The following PRKCZ variants were observed in gnomAD, a reference collection of about 807,000 sequenced individuals.
PRKCZ encodes protein kinase C zeta.
PRKCZ carries 33 observed loss-of-function variants against 79.5 expected under a neutral mutation model. That is an observed-to-expected ratio of 0.41 (90% CI 0.31 to 0.55). The LOEUF (loss-of-function observed/expected upper bound fraction) is 0.55. Ranked by LOEUF, PRKCZ falls within the 20% of genes least tolerant of loss-of-function variation. The pLI, the probability that PRKCZ is intolerant of heterozygous loss-of-function variation, is 0.19. For missense variants in PRKCZ, 578 were observed against 813.5 expected (o/e 0.71, Z 3.52); for synonymous variants, 342 against 320.9 (o/e 1.07, Z -0.70).
Position 2,098,459 on chromosome 1 carries a change from G to C in PRKCZ, c.335-36803G>C, listed in dbSNP as rs1180604245. 5.9e-5 allele frequency: 9 copies of C among 152,304 alleles called. No homozygotes were observed. In the East Asian group the frequency reaches 1.7e-3, roughly 29 times the overall value. The allele number at this position is 152,304 out of a possible 1,614,324, so 9.4% of individuals were successfully genotyped here. On this transcript the variant is annotated intron_variant, in intron 4 of 17. Transcript: ENST00000378567. ...CCAGCTTCAGCTCTTCGAGTTGCTG[G>C]CTTCTCTAAGGCCTGTCCTGAAGTG...
At chr1:2,056,021 T>G in intron 2 of PRKCZ, 1 of 184,560 alleles carries the variant, frequency 5.4e-6, no homozygotes, top group Non-Finnish European at 1.1e-5. Context: ...AGAGACCCCT[T>G]TCTCCCAGGG....
chr1:2,127,922 G>A lies in PRKCZ; in HGVS notation c.335-7340G>A, dbSNP rs77602667. Reference sequence around the variant, plus strand: ...ACCTTAGCTCTGGACACGAATTTGCGGTCATTGCTGTTCTTGTGTCTCTAT... The same window carrying A: ...ACCTTAGCTCTGGACACGAATTTGCAGTCATTGCTGTTCTTGTGTCTCTAT... On this transcript the variant is annotated intron_variant, in intron 4 of 17. Transcript: ENST00000378567. The surrounding 1 kb of genome is among the most constrained non-coding windows in gnomAD (Gnocchi z 5.1). 1.1e-3 allele frequency among the ~76,000 whole-genome samples: 169 copies of A among 152,306 alleles called. 5 individuals carry two copies. In the East Asian group the frequency reaches 0.026, roughly 23 times the overall value.
At chr1:2,182,199 C>T (rs1158358724) in intron 16 of PRKCZ, 3 of 226,068 alleles carry the variant, frequency 1.3e-5, no homozygotes, top group Non-Finnish European at 2.7e-5. Flanking sequence ...CCCAGTTTGG[C>T]TTTTGTTGTT....
At chr1:2,059,642 G>A (rs1244684705) in intron 4 of PRKCZ, 51 bp downstream of exon 4, 1 of 1,607,098 alleles carries the variant, frequency 6.2e-7, no homozygotes, top group Non-Finnish European at 8.5e-7. Flanking sequence ...GGGTTGAACT[G>A]TTGATCCGTT....
chr1:2,167,571 G>T (rs1299504936), intron 10 of PRKCZ, among the ~76,000 whole-genome samples: 2 of 152,126 alleles, frequency 1.3e-5, no homozygotes, highest in East Asian at 3.9e-4. Flanking sequence ...AATGTGCGGT[G>T]AAGTCACCCT....
At position 2,056,514 on chromosome 1, in the gene PRKCZ, A is replaced by G. The variant is rs1660177856; in HGVS notation, c.224A>G (p.Glu75Gly). The change falls in exon 3 of 18, where the codon GAG becomes GGG. Residue 75 changes from glutamate (E) to glycine (G), a missense_variant. Transcript: ENST00000378567. ...CCTTGCACGGTGTCCTCCCAGATGGAGCTGGAAGAGGCTTTCCGCCTGGCC... is the reference window on the plus strand; with the variant it reads ...CCTTGCACGGTGTCCTCCCAGATGGGGCTGGAAGAGGCTTTCCGCCTGGCC... The part of the protein sequence containing the change: ...GDPCTVSSQM[E>G]LEEAFRLARQ... 1.9e-6 allele frequency: 3 copies of G among 1,613,744 alleles called. No homozygotes were observed. The highest frequency in any genetic ancestry group is 1.3e-5 in the African/African-American group (1 of 74,876).
At chr1:2,135,625 C>T (rs1280186357) in intron 5 of PRKCZ, among the ~76,000 whole-genome samples, 2 of 152,228 alleles carry the variant, frequency 1.3e-5, no homozygotes, top group Non-Finnish European at 2.9e-5. Context: ...GCTCAGGGCT[C>T]ACTGGCCTGA....
At chr1:2,100,511 A>G (rs1289812006) in intron 4 of PRKCZ, among the ~76,000 whole-genome samples, 2 of 152,280 alleles carry the variant, frequency 1.3e-5, no homozygotes, top group African/African-American at 4.8e-5. Flanking sequence ...ACTGGCTCTC[A>G]GGGGCCAGCT....
chr1:2,108,477 C>A (rs752163162), intron 4 of PRKCZ, among the ~76,000 whole-genome samples: 1 of 152,244 alleles, frequency 6.6e-6, no homozygotes, highest in East Asian at 1.9e-4. Context: ...ACCGCTGTGT[C>A]CTCTCATGAG....
At chr1:2,059,704 C>G in intron 4 of PRKCZ, 113 bp downstream of exon 4, 2 of 1,402,148 alleles carry the variant, frequency 1.4e-6, no homozygotes, top group Non-Finnish European at 2.0e-6. Flanking sequence ...CCTCGTGGAG[C>G]GTCAGGGCAG....
chr1:2,094,700 C>T lies in PRKCZ; in HGVS notation c.334+35109C>T, dbSNP rs1350410318. 2.7e-5 allele frequency among the ~76,000 whole-genome samples: 4 copies of T among 149,286 alleles called. No homozygotes were observed. Among genetic ancestry groups the T allele is most frequent in the East Asian group, 2.0e-4 (1 of 5,054 alleles). Reference sequence around the variant, plus strand: ...CCCGTTCTGAGGCGCCCGCTGTGCCCGGCTCGTTGAACCTTGGGCGCTGCC... The same window carrying T: ...CCCGTTCTGAGGCGCCCGCTGTGCCTGGCTCGTTGAACCTTGGGCGCTGCC... On this transcript the variant is annotated intron_variant, in intron 4 of 17. Coordinates refer to ENST00000378567, the MANE Select transcript of PRKCZ (RefSeq NM_002744.6). This position sits in a 1 kb window ranked among gnomAD's most constrained non-coding sequence, Gnocchi z 7.3.
chr1:2,164,070 C>T (rs2103396467), intron 10 of PRKCZ, among the ~76,000 whole-genome samples: 1 of 152,174 alleles, frequency 6.6e-6, no homozygotes, highest in Non-Finnish European at 1.5e-5. Context: ...AAAACCGTGC[C>T]CTGTCTTAGT....
intron 4 of PRKCZ, among the ~76,000 whole-genome samples, chr1:2,097,288 C>T (rs1007140688): frequency 1.3e-4 from 20 of 152,246 alleles, no homozygotes; most frequent in East Asian, 3.9e-4. Context: ...CCCGGGTCGT[C>T]GTCATATTCC....
intron 10 of PRKCZ, among the ~76,000 whole-genome samples, chr1:2,163,527 G>A (rs994360595): frequency 1.3e-5 from 2 of 152,218 alleles, no homozygotes; most frequent in African/African-American, 2.4e-5. Context: ...GAAGATGACC[G>A]ATAACTGCAT....
chr1:2,074,330 C>T (rs1661990470), intron 4 of PRKCZ: 22 of 1,537,972 alleles, frequency 1.4e-5, no homozygotes, highest in South Asian at 8.4e-5. Context: ...GGCTGGGGGC[C>T]GGGGGGCTTG....
intron 4 of PRKCZ, among the ~76,000 whole-genome samples, chr1:2,119,789 C>CTT (rs61129873): frequency 0.039 from 5,385 of 136,362 alleles, 361 homozygotes; most frequent in African/African-American, 0.13. Flanking sequence ...CTTTTCTTTT[C>CTT]TTTTTTTTTT....
intron 8 of PRKCZ, among the ~76,000 whole-genome samples, chr1:2,150,395 C>T (rs934988308): frequency 2.0e-5 from 3 of 152,198 alleles, no homozygotes; most frequent in Non-Finnish European, 4.4e-5. Flanking sequence ...CTTTACCTTC[C>T]TTCCCCTGAG....
chr1:2,066,245 A>AT (rs1053638758), intron 4 of PRKCZ, among the ~76,000 whole-genome samples: 2 of 152,094 alleles, frequency 1.3e-5, no homozygotes, highest in African/African-American at 2.4e-5. Flanking sequence ...TTCCTCTTTA[A>AT]TTTTTTTGGA....
At chr1:2,176,393 C>T (rs1213061954) in intron 16 of PRKCZ, among the ~76,000 whole-genome samples, 2 of 151,930 alleles carry the variant, frequency 1.3e-5, no homozygotes, top group African/African-American at 4.8e-5. Flanking sequence ...TTTCCAGCGC[C>T]GCTCGGTCGT....
Sources: allele counts gnomAD v4.1 joint callset (sites outside exome capture counted in the v4.1 genomes callset), GRCh38; gene constraint gnomAD v4.1.1; non-coding constraint Gnocchi (gnomAD v3.1); transcripts MANE v1.5; gene names NCBI Gene and HGNC (gene_info 2026-07-23, HGNC 2026-07-21).